The following PTPRD variants were observed in gnomAD, a reference collection of about 807,000 sequenced individuals.
PTPRD encodes receptor-type tyrosine-protein phosphatase delta.
PTPRD carries 34 observed loss-of-function variants against 214.5 expected under a neutral mutation model. That is an observed-to-expected ratio of 0.16 (90% CI 0.12 to 0.21). The LOEUF is 0.21. Among genes scored for constraint, PTPRD ranks in the 10% least tolerant of loss-of-function variants. The pLI is 1.00. For missense variants in PTPRD, 2,545 were observed against 2,398.7 expected (o/e 1.06, Z -1.27); for synonymous variants, 1,128 against 845.7 (o/e 1.33, Z -5.79).
intron 8 of PTPRD, among the ~76,000 whole-genome samples, chr9:9,415,301 C>G (rs2076671706): frequency 6.6e-6 from 1 of 151,938 alleles, no homozygotes; most frequent in Admixed American, 6.6e-5. Context: ...AGGCAAAACT[C>G]CATCTCTACT....
chr9:9,117,956 A>C (rs1348460323), intron 10 of PTPRD, among the ~76,000 whole-genome samples: 2 of 152,074 alleles, frequency 1.3e-5, no homozygotes, highest in Non-Finnish European at 2.9e-5. Context: ...GTTTTTTTGG[A>C]AAAATAAATT....
chr9:9,182,585 T>C (rs571923185), intron 10 of PTPRD, among the ~76,000 whole-genome samples: 14 of 151,998 alleles, frequency 9.2e-5, no homozygotes, highest in Non-Finnish European at 1.9e-4. Flanking sequence ...ATTATCTTTG[T>C]AGGATTAGAA....
chr9:9,876,790 C>T (rs2067005086), intron 5 of PTPRD, among the ~76,000 whole-genome samples: 1 of 152,040 alleles, frequency 6.6e-6, no homozygotes, highest in Admixed American at 6.6e-5. Context: ...CAAACATACT[C>T]AAGAAATTCA....
chr9:10,334,613 A>G (rs1446261531), intron 3 of PTPRD, among the ~76,000 whole-genome samples: 5 of 151,586 alleles, frequency 3.3e-5, no homozygotes, highest in Admixed American at 6.6e-5. Flanking sequence ...GAAGGAAGAA[A>G]TAAAACCGTC....
intron 12 of PTPRD, among the ~76,000 whole-genome samples, chr9:8,724,860 C>T (rs191698471): frequency 6.6e-6 from 1 of 152,178 alleles, no homozygotes; most frequent in East Asian, 1.9e-4. Context: ...ATCACCCGAG[C>T]CCAGGAGGCA....
intron 11 of PTPRD, among the ~76,000 whole-genome samples, chr9:8,864,958 C>T (rs945678645): frequency 6.6e-6 from 1 of 152,162 alleles, no homozygotes; most frequent in African/African-American, 2.4e-5. Context: ...TTTGTACAAG[C>T]TAGTATTTTG....
chr9:9,351,062 T>G (rs180843663), intron 9 of PTPRD, among the ~76,000 whole-genome samples: 1 of 152,150 alleles, frequency 6.6e-6, no homozygotes, highest in African/African-American at 2.4e-5. Context: ...ACCTTTGGCT[T>G]GGGGAATAGG....
intron 42 of PTPRD, among the ~76,000 whole-genome samples, chr9:8,339,659 G>A (rs1049246263): frequency 6.6e-6 from 1 of 152,038 alleles, no homozygotes; most frequent in African/African-American, 2.4e-5. Flanking sequence ...GGCTTTAGCT[G>A]CACTTCTATT....
chr9:9,214,597 T>C (rs1191176693), intron 9 of PTPRD, among the ~76,000 whole-genome samples: 1 of 152,152 alleles, frequency 6.6e-6, no homozygotes, highest in Non-Finnish European at 1.5e-5. Flanking sequence ...TTAATGTCTT[T>C]ACCAGGGTAA....
intron 2 of PTPRD, among the ~76,000 whole-genome samples, chr9:10,350,758 A>T (rs1450485824): frequency 6.6e-6 from 1 of 152,196 alleles, no homozygotes; most frequent in African/African-American, 2.4e-5. Context: ...TCATCCATGC[A>T]TTGATTTCTA....
At position 9,171,029 on chromosome 9, in the gene PTPRD, C is replaced by T. The variant is rs150192046; in HGVS notation, c.-143+12275G>A. On this transcript the variant is annotated intron_variant, in intron 10 of 45. Transcript: ENST00000381196. Reference sequence around the variant, plus strand: ...CTGTCCAGGAAAGCTTAAGAAACACCTGCCACATTGTGGTACCACCAGGGC... The same window carrying T: ...CTGTCCAGGAAAGCTTAAGAAACACTTGCCACATTGTGGTACCACCAGGGC... Among the ~76,000 whole-genome samples, 128 of 152,272 alleles carry T rather than the reference C, an allele frequency of 8.4e-4. 6 individuals carry two copies. The East Asian group carries it at 0.015, about 17-fold the overall frequency.
chr9:9,810,517 G>A (rs2046820513), intron 5 of PTPRD, among the ~76,000 whole-genome samples: 1 of 150,610 alleles, frequency 6.6e-6, no homozygotes, highest in Non-Finnish European at 1.5e-5. Flanking sequence ...CGGTGCTCTA[G>A]AAATAAAACA....
chr9:9,585,917 G>C (rs1011654118), intron 7 of PTPRD, among the ~76,000 whole-genome samples: 1 of 152,016 alleles, frequency 6.6e-6, no homozygotes, highest in Non-Finnish European at 1.5e-5. Flanking sequence ...ACTGGAAGCA[G>C]GCTAACCAGA....
chr9:9,035,778 T>A (rs1410585577), intron 10 of PTPRD, among the ~76,000 whole-genome samples: 1 of 151,968 alleles, frequency 6.6e-6, no homozygotes, highest in Non-Finnish European at 1.5e-5. Flanking sequence ...TTCTGTGCAC[T>A]TTCTTAGTGG....
At chr9:10,283,392 T>A (rs1398613890) in intron 3 of PTPRD, among the ~76,000 whole-genome samples, 1 of 152,202 alleles carries the variant, frequency 6.6e-6, no homozygotes, top group African/African-American at 2.4e-5. Context: ...TTTTGCTATT[T>A]ATCCCTAGAA....
chr9:9,997,320 T>C (rs1376471812), intron 4 of PTPRD, among the ~76,000 whole-genome samples: 1 of 150,868 alleles, frequency 6.6e-6, no homozygotes, highest in African/African-American at 2.4e-5. Context: ...AGTTTCACTC[T>C]TGTTGCCCAG....
At chr9:9,504,007 C>T (rs1372628543) in intron 8 of PTPRD, among the ~76,000 whole-genome samples, 1 of 151,644 alleles carries the variant, frequency 6.6e-6, no homozygotes, top group African/African-American at 2.4e-5. Flanking sequence ...CTCATTATTC[C>T]TTTAAAAATC....
At chr9:8,983,130 A>T (rs2099322044) in intron 11 of PTPRD, among the ~76,000 whole-genome samples, 1 of 152,050 alleles carries the variant, frequency 6.6e-6, no homozygotes, top group African/African-American at 2.4e-5. Context: ...GAGTTATTTA[A>T]CATTTTAGTG....
intron 11 of PTPRD, among the ~76,000 whole-genome samples, chr9:8,954,555 A>T (rs1462899480): frequency 2.0e-5 from 3 of 151,874 alleles, no homozygotes; most frequent in African/African-American, 7.2e-5. Context: ...GGCATAGTAC[A>T]ATAATGCAAA....
Sources: allele counts gnomAD v4.1 joint callset (sites outside exome capture counted in the v4.1 genomes callset), GRCh38; gene constraint gnomAD v4.1.1; transcripts MANE v1.5; gene names NCBI Gene and HGNC (gene_info 2026-07-23, HGNC 2026-07-21).